Variants in ASMTL observed in about 807,000 individuals in gnomAD.
ASMTL encodes the protein probable bifunctional dTTP/UTP pyrophosphatase/methyltransferase protein.
In ASMTL, 57 loss-of-function variants were observed where a neutral mutation model predicts 60.3. The ratio of observed to expected loss-of-function variants is 0.95; its 90% CI spans 0.76 to 1.18. The LOEUF (loss-of-function observed/expected upper bound fraction) is 1.18. Ranked by LOEUF, ASMTL falls within the 50% of genes most tolerant of loss-of-function variation. The pLI is 0.00. For missense variants in ASMTL, 981 were observed against 852.6 expected (o/e 1.15, Z -1.88); for synonymous variants, 419 against 373.0 (o/e 1.12, Z -1.42).
intron 9 of ASMTL, among the ~76,000 whole-genome samples, chrX:1,419,741 G>A (rs2090421784): frequency 6.6e-6 from 1 of 152,192 alleles, no homozygotes; most frequent in East Asian, 1.9e-4. Context: ...CAGCAGGACA[G>A]CCGGTCTCCA....
chrX:1,433,666 C>G (rs1375323737), intron 5 of ASMTL, among the ~76,000 whole-genome samples: 1 of 151,062 alleles, frequency 6.6e-6, no homozygotes, highest in Non-Finnish European at 1.5e-5. Flanking sequence ...GGCGATAAAG[C>G]GAGACTCTGT....
chrX:1,412,485 C>T (rs752721575), intron 12 of ASMTL, among the ~76,000 whole-genome samples: 1 of 152,316 alleles, frequency 6.6e-6, no homozygotes, highest in South Asian at 2.1e-4. Context: ...GCCTCAGCCT[C>T]CCAAAGTGCT....
At chrX:1,438,972 G>T in intron 3 of ASMTL, 125 bp downstream of exon 3, 1 of 1,057,110 alleles carries the variant, frequency 9.5e-7, no homozygotes, top group Non-Finnish European at 1.4e-6. Context: ...GTTTGTGATG[G>T]GAGTTTCTGG....
intron 12 of ASMTL, among the ~76,000 whole-genome samples, chrX:1,404,629 G>A (rs1462083163): frequency 6.0e-5 from 9 of 150,910 alleles, no homozygotes; most frequent in South Asian, 2.1e-4. Flanking sequence ...ACGAATGGAC[G>A]GATAGATGGA....
At chrX:1,441,859 A>G (rs1350914066) in intron 2 of ASMTL, 1 of 295,796 alleles carries the variant, frequency 3.4e-6, no homozygotes, top group Non-Finnish European at 6.3e-6. Flanking sequence ...GTATATCATA[A>G]ATGATACTGT....
At chrX:1,431,078 A>G (rs1286363062) in intron 6 of ASMTL, among the ~76,000 whole-genome samples, 40 of 125,902 alleles carry the variant, frequency 3.2e-4, no homozygotes, top group Non-Finnish European at 3.7e-4. Flanking sequence ...ATATATTCAT[A>G]TATTTCTATA....
chrX:1,406,268 G>T (rs2089835482), intron 12 of ASMTL, among the ~76,000 whole-genome samples: 1 of 150,864 alleles, frequency 6.6e-6, no homozygotes, highest in Admixed American at 6.6e-5. Flanking sequence ...ATAGATGGGT[G>T]CATGGATGAG....
rs1482536028 is a variant in ASMTL, at chrX:1,443,370, C to CA, written c.94-1054_94-1053insT. Reference sequence around the variant, plus strand: ...CAGACACCGCCATCTTGGACACACACCACCATCATGGACACACGCCGCCAT... The same window carrying CA: ...CAGACACCGCCATCTTGGACACACACACACCATCATGGACACACGCCGCCAT... On this transcript the variant is annotated intron_variant, in intron 1 of 12. Transcript: ENST00000381317. Among the ~76,000 whole-genome samples the CA allele has an allele frequency of 3.6e-3, 159 of 44,652 alleles. 30 individuals are homozygous for CA. The highest frequency in any genetic ancestry group is 6.6e-3 in the African/African-American group (148 of 22,278). 29.3% of individuals were successfully genotyped at this position (44,652 alleles called of 152,430 possible). A position where few individuals can be genotyped will look rare whatever the true frequency, so the allele number is the denominator to read the frequency against.
chrX:1,434,052 G>T (rs1603451433), intron 5 of ASMTL, among the ~76,000 whole-genome samples: 1 of 152,162 alleles, frequency 6.6e-6, no homozygotes, highest in South Asian at 2.1e-4. Context: ...TTCACCTGTG[G>T]GATCTGCGCT....
intron 1 of ASMTL, 166 bp from the exon 2 acceptor site, chrX:1,442,483 C>T (rs1336047585): frequency 5.1e-5 from 15 of 292,930 alleles, no homozygotes; most frequent in East Asian, 1.7e-4. Context: ...GCTGGGGAGC[C>T]GGGGACTGAC....
intron 1 of ASMTL, 59 bp from the exon 2 acceptor site, chrX:1,442,376 G>A: frequency 1.9e-6 from 3 of 1,596,012 alleles, no homozygotes; most frequent in Non-Finnish European, 2.6e-6. Context: ...AAAGTGAATG[G>A]GACATGCAAG....
chrX:1,443,442 GACACCGCCATCTTGGACAC>G (rs1569534759), intron 1 of ASMTL, among the ~76,000 whole-genome samples: 58 of 120,276 alleles, frequency 4.8e-4, no homozygotes, highest in Non-Finnish European at 7.5e-4. Context: ...ATCTTGGACA[GACACCGCCATCTTGGACAC>G]ACACCACCAT....
At chrX:1,431,756 G>A (rs1232754891) in intron 6 of ASMTL, 2 of 150,866 alleles carry the variant, frequency 1.3e-5, no homozygotes, top group Non-Finnish European at 2.9e-5. Flanking sequence ...GTATAATTAT[G>A]TAGACATTAT....
intron 3 of ASMTL, among the ~76,000 whole-genome samples, chrX:1,437,358 G>A (rs1326991805): frequency 1.3e-5 from 2 of 150,474 alleles, no homozygotes; most frequent in East Asian, 3.9e-4. Flanking sequence ...TATAGACTGG[G>A]TGGCTTATAA....
intron 7 of ASMTL, 44 bp from the exon 8 acceptor site, chrX:1,425,731 A>G (rs1301842951): frequency 1.3e-6 from 2 of 1,589,452 alleles, no homozygotes; most frequent in Non-Finnish European, 1.7e-6. Context: ...TCCCTTGTCC[A>G]GTACTTTCTA....
At chrX:1,416,434 C>T (rs1485666037) in intron 11 of ASMTL, among the ~76,000 whole-genome samples, 1 of 131,420 alleles carries the variant, frequency 7.6e-6, no homozygotes, top group Non-Finnish European at 1.7e-5. Context: ...GGCACACGCA[C>T]ATAAACATAG....
At chrX:1,411,305 G>T (rs2090010706) in intron 12 of ASMTL, among the ~76,000 whole-genome samples, 2 of 152,224 alleles carry the variant, frequency 1.3e-5, no homozygotes, top group African/African-American at 2.4e-5. Flanking sequence ...ACGCGCAGGT[G>T]CCAGGCCCTG....
chrX:1,448,787 A>C (rs1440201842), intron 1 of ASMTL, among the ~76,000 whole-genome samples: 1 of 151,892 alleles, frequency 6.6e-6, no homozygotes, highest in Non-Finnish European at 1.5e-5. Context: ...ACACACCGCC[A>C]TCTTGGATAA....
intron 8 of ASMTL, among the ~76,000 whole-genome samples, chrX:1,424,471 C>T (rs56331760): frequency 0.66 from 96,431 of 145,606 alleles, 32,791 homozygotes; most frequent in South Asian, 0.86. Flanking sequence ...CATCCATTCA[C>T]ACGCCCACCC....
Sources: allele counts gnomAD v4.1 joint callset (sites outside exome capture counted in the v4.1 genomes callset), GRCh38; gene constraint gnomAD v4.1.1; transcripts MANE v1.5; gene names NCBI Gene and HGNC (gene_info 2026-07-23, HGNC 2026-07-21).